Variants in CCDC85C observed in about 807,000 individuals in gnomAD.
CCDC85C encodes the protein coiled-coil domain-containing protein 85C.
A neutral mutation model predicts 38.3 loss-of-function variants in CCDC85C; 18 were observed. The observed-to-expected ratio is 0.47, with a 90% CI of 0.33 to 0.70. The LOEUF (loss-of-function observed/expected upper bound fraction) is 0.70. Among genes scored for constraint, CCDC85C ranks in the 30% least tolerant of loss-of-function variants. The probability of loss-of-function intolerance (pLI) is 0.03; values close to 1 mark genes in which losing one functional copy is unlikely to be tolerated. For missense variants in CCDC85C, 566 were observed against 621.2 expected, an observed-to-expected ratio of 0.91 and a Z score of 0.94; for synonymous variants, 264 against 293.8, an observed-to-expected ratio of 0.90 and a Z score of 1.04.
intron 1 of CCDC85C, among the ~76,000 whole-genome samples, chr14:99,557,965 C>T (rs11845767): frequency 0.15 from 23,266 of 152,224 alleles, 2,080 homozygotes; most frequent in Non-Finnish European, 0.21. Context: ...AGTCCGCACC[C>T]TTCCAAACAT....
At chr14:99,566,704 C>G (rs1898221934) in intron 1 of CCDC85C, among the ~76,000 whole-genome samples, 1 of 152,232 alleles carries the variant, frequency 6.6e-6, no homozygotes, top group African/African-American at 2.4e-5. Context: ...GGCCTGTAAG[C>G]AAACTCTGCC....
In CCDC85C at chr14:99,540,154, A is replaced by G. The variant is rs567635685; in HGVS notation, c.794-4066T>C. 1.8e-3 allele frequency among the ~76,000 whole-genome samples: 268 copies of G among 151,080 alleles called. 2 individuals are homozygous for G. Among genetic ancestry groups the G allele is most frequent in the African/African-American group, 6.1e-3 (252 of 41,054 alleles). On this transcript the variant is annotated intron_variant, in intron 1 of 5. Coordinates refer to ENST00000380243, the MANE Select transcript of CCDC85C (RefSeq NM_001144995.2). ...AGAGCGAGACTGTCTTTAAAAAAAA[A>G]GGGGGGGGAACGGATTAAACTCTTG...
Position 99,503,809 on chromosome 14 carries a change from T to C in CCDC85C, c.*11437A>G. 1.6e-6 allele frequency: 1 copy of C among 611,570 alleles called. No homozygotes were observed. Among genetic ancestry groups the C allele is most frequent in the Non-Finnish European group, 2.9e-6 (1 of 345,952 alleles). 37.9% of individuals were successfully genotyped at this position (611,570 alleles called of 1,614,324 possible). A position where few individuals can be genotyped will look rare whatever the true frequency, so the allele number is the denominator to read the frequency against. The stretch of plus-strand genomic sequence containing the variant: ...CATTGTCTTTCTGTTCATCACCTGA[T>C]CATAGATTCTAAAATTGTGCTCTTA... On this transcript the variant is annotated 3_prime_UTR_variant, in exon 6 of 6. Transcript: ENST00000380243.
rs1298132081 is a variant in CCDC85C, at chr14:99,576,082, G to A, written c.793+27085C>T. ...ACCGATCTGTGCCCGTCTAATGAGG[G>A]TGGCTCACACTAATGGCCACATCTT... On this transcript the variant is annotated intron_variant, in intron 1 of 5. Coordinates refer to ENST00000380243, the MANE Select transcript of CCDC85C (RefSeq NM_001144995.2). The surrounding 1 kb of genome is among the most constrained non-coding windows in gnomAD (Gnocchi z 4.8). Among the ~76,000 whole-genome samples the A allele has an allele frequency of 6.6e-6, 1 of 152,194 alleles. No homozygotes were observed. Among genetic ancestry groups the A allele is most frequent in the Admixed American group, 6.5e-5 (1 of 15,280 alleles).
At chr14:99,538,136 T>A (rs1418423237) in intron 1 of CCDC85C, among the ~76,000 whole-genome samples, 3 of 152,188 alleles carry the variant, frequency 2.0e-5, no homozygotes, top group Non-Finnish European at 4.4e-5. Context: ...CTGCATCTGA[T>A]GCCTTGCAAA....
chr14:99,554,939 C>T (rs981357321), intron 1 of CCDC85C, among the ~76,000 whole-genome samples: 2 of 152,236 alleles, frequency 1.3e-5, no homozygotes, highest in African/African-American at 4.8e-5. Context: ...CAGGTGGGCA[C>T]AGATGGACAT....
chr14:99,565,241 GCTCGTCGT>G (rs1359216153), intron 1 of CCDC85C, among the ~76,000 whole-genome samples: 1 of 152,298 alleles, frequency 6.6e-6, no homozygotes, highest in East Asian at 1.9e-4. Flanking sequence ...ACCTTCCACA[GCTCGTCGT>G]GTGCACAATC....
chr14:99,526,645 A>C (rs1309496511), intron 2 of CCDC85C, among the ~76,000 whole-genome samples: 1 of 152,058 alleles, frequency 6.6e-6, no homozygotes, highest in East Asian at 1.9e-4. Flanking sequence ...CGTCCCCAAG[A>C]CCTGGCGACC....
intron 1 of CCDC85C, among the ~76,000 whole-genome samples, chr14:99,547,879 C>CAT (rs1040855694): frequency 6.6e-6 from 1 of 151,288 alleles, no homozygotes; most frequent in Non-Finnish European, 1.5e-5. Flanking sequence ...CATATATATA[C>CAT]ATATATACAC....
chr14:99,534,637 T>A (rs1897557726), intron 2 of CCDC85C: 1 of 702,220 alleles, frequency 1.4e-6, no homozygotes, highest in Non-Finnish European at 2.6e-6. Context: ...AGCCATGACC[T>A]TCTCCTGGTG....
At chr14:99,559,676 G>A (rs1376260909) in intron 1 of CCDC85C, among the ~76,000 whole-genome samples, 2 of 152,200 alleles carry the variant, frequency 1.3e-5, no homozygotes, top group South Asian at 2.1e-4. Context: ...AGGGAGCAAC[G>A]TGCCCATGTC....
intron 1 of CCDC85C, among the ~76,000 whole-genome samples, chr14:99,543,181 A>C (rs1897746010): frequency 6.6e-6 from 1 of 152,188 alleles, no homozygotes; most frequent in South Asian, 2.1e-4. Flanking sequence ...CTCTGGAACA[A>C]TGAAGGTTCC....
chr14:99,526,637 T>C (rs1897390417), intron 2 of CCDC85C, among the ~76,000 whole-genome samples: 1 of 152,014 alleles, frequency 6.6e-6, no homozygotes, highest in Non-Finnish European at 1.5e-5. Context: ...GAACACCCCG[T>C]CCCCAAGACC....
At chr14:99,580,869 A>C (rs955571294) in intron 1 of CCDC85C, among the ~76,000 whole-genome samples, 5 of 152,176 alleles carry the variant, frequency 3.3e-5, no homozygotes, top group African/African-American at 1.2e-4. Flanking sequence ...CATCTCAAGA[A>C]AATTAAAAAG....
chr14:99,539,649 G>T (rs887592600), intron 1 of CCDC85C, among the ~76,000 whole-genome samples: 1 of 152,112 alleles, frequency 6.6e-6, no homozygotes, highest in Non-Finnish European at 1.5e-5. Flanking sequence ...CCAGTGGAAA[G>T]AACTGGACAC....
In CCDC85C at chr14:99,502,087, CTTTAA is replaced by C. The variant is rs375538332; in HGVS notation, c.*13154_*13158del. The C allele has an allele frequency of 4.4e-4, 492 of 1,111,624 alleles. 1 individual carries two copies. The African/African-American group carries it at 7.1e-3, about 16-fold the overall frequency. 68.9% of individuals were successfully genotyped at this position (1,111,624 alleles called of 1,614,324 possible). On this transcript the variant is annotated 3_prime_UTR_variant, in exon 6 of 6. Transcript: ENST00000380243. ...GACTTGAGTTTATTTATTTATAGTACTTTAATTAAATTTAGGGGAGAATAAGCAAA... is the reference window on the plus strand; with the variant it reads ...GACTTGAGTTTATTTATTTATAGTACTTAAATTTAGGGGAGAATAAGCAAA...
Position 99,533,338 on chromosome 14 carries a change from C to T in CCDC85C, c.867+2677G>A, listed in dbSNP as rs1049178809. On this transcript the variant is annotated intron_variant, in intron 2 of 5. Coordinates refer to ENST00000380243, the MANE Select transcript of CCDC85C (RefSeq NM_001144995.2). This position sits in a 1 kb window ranked among gnomAD's most constrained non-coding sequence, Gnocchi z 4.2. ...CAGCTAGGGATGGGCCCTGGGTGCC[C>T]TCCTGCCACACCACACAGAGATACA... 6.6e-6 allele frequency among the ~76,000 whole-genome samples: 1 copy of T among 152,206 alleles called. No individual in the cohort carries two copies. Among genetic ancestry groups the T allele is most frequent in the South Asian group, 2.1e-4 (1 of 4,826 alleles).
chr14:99,603,063 C>T lies in CCDC85C; in HGVS notation c.793+104G>A, dbSNP rs552284991. 6.4e-6 allele frequency: 8 copies of T among 1,241,322 alleles called. No individual in the cohort carries two copies. The highest frequency in any genetic ancestry group is 8.1e-6 in the Non-Finnish European group (8 of 987,026). The allele number at this position is 1,241,322 out of a possible 1,614,324, so 76.9% of individuals were successfully genotyped here. A position where few individuals can be genotyped will look rare whatever the true frequency, so the allele number is the denominator to read the frequency against. ...TGACAGCTGGAGGAGTCTGGAGTGG[C>T]GGCCGCATGAGTGGGACAGCCAGGG... On this transcript the variant is annotated intron_variant, in intron 1 of 5. Transcript: ENST00000380243. This position sits in a 1 kb window ranked among gnomAD's most constrained non-coding sequence, Gnocchi z 7.5.
chr14:99,519,266 C>T (rs1897272085), intron 3 of CCDC85C, among the ~76,000 whole-genome samples: 1 of 148,538 alleles, frequency 6.7e-6, no homozygotes, highest in African/African-American at 2.5e-5. Flanking sequence ...CAGATGCACA[C>T]CACCATGCCC....
Sources: allele counts gnomAD v4.1 joint callset (sites outside exome capture counted in the v4.1 genomes callset), GRCh38; gene constraint gnomAD v4.1.1; non-coding constraint Gnocchi (gnomAD v3.1); transcripts MANE v1.5; gene names NCBI Gene and HGNC (gene_info 2026-07-23, HGNC 2026-07-21).